Variants in SH3RF3 observed in about 807,000 individuals in gnomAD.
SH3RF3 encodes the protein SH3 domain containing ring finger 3.
In SH3RF3, 29 loss-of-function variants were observed where a neutral mutation model predicts 66.3. The observed-to-expected ratio is 0.44, with a 90% confidence interval of 0.33 to 0.60. SH3RF3 has a LOEUF of 0.60. Among genes scored for constraint, SH3RF3 ranks in the 20% least tolerant of loss-of-function variants. The probability of loss-of-function intolerance (pLI) is 0.04; values close to 1 mark genes in which losing one functional copy is unlikely to be tolerated. For missense variants in SH3RF3, 1,194 were observed against 1,190.9 expected (o/e 1.00, Z -0.04); for synonymous variants, 583 against 532.0 (o/e 1.10, Z -1.32).
intron 1 of SH3RF3, among the ~76,000 whole-genome samples, chr2:109,338,537 A>C (rs1399319129): frequency 6.6e-6 from 1 of 152,066 alleles, no homozygotes; most frequent in South Asian, 2.1e-4. Flanking sequence ...CCCCCGGCAC[A>C]GTCAAAAACC....
At chr2:109,424,400 T>C (rs1676975389) in intron 5 of SH3RF3, among the ~76,000 whole-genome samples, 1 of 152,212 alleles carries the variant, frequency 6.6e-6, no homozygotes, top group South Asian at 2.1e-4. Flanking sequence ...TGGTGGGGCT[T>C]CAGCCTCAGA....
At chr2:109,426,754 G>T (rs1677036715) in intron 5 of SH3RF3, among the ~76,000 whole-genome samples, 1 of 152,120 alleles carries the variant, frequency 6.6e-6, no homozygotes, top group Admixed American at 6.5e-5. Context: ...AGCATCAAAT[G>T]CTATAGAGAA....
chr2:109,498,122 G>A (rs1006632573), intron 9 of SH3RF3, among the ~76,000 whole-genome samples: 1 of 152,192 alleles, frequency 6.6e-6, no homozygotes, highest in Non-Finnish European at 1.5e-5. Context: ...CGCTGAGCTG[G>A]GAGGAAGGAG....
At chr2:109,375,449 G>A (rs1407281218) in intron 3 of SH3RF3, among the ~76,000 whole-genome samples, 2 of 152,208 alleles carry the variant, frequency 1.3e-5, no homozygotes, top group African/African-American at 4.8e-5. Context: ...GGCACAGAGA[G>A]GAGTGGGCCT....
At chr2:109,413,357 G>C (rs1190108794) in intron 4 of SH3RF3, among the ~76,000 whole-genome samples, 4 of 152,122 alleles carry the variant, frequency 2.6e-5, no homozygotes, top group African/African-American at 7.2e-5. Flanking sequence ...CAGGTGATCT[G>C]CTTGCCTTGG....
chr2:109,237,702 A>C (rs911923573), intron 1 of SH3RF3, among the ~76,000 whole-genome samples: 20 of 152,172 alleles, frequency 1.3e-4, no homozygotes, highest in Non-Finnish European at 2.8e-4. Flanking sequence ...AAGACAAAAG[A>C]TTGGACACTC....
chr2:109,392,063 G>T (rs1365870434), intron 3 of SH3RF3, among the ~76,000 whole-genome samples: 1 of 152,126 alleles, frequency 6.6e-6, no homozygotes, highest in Non-Finnish European at 1.5e-5. Flanking sequence ...CAGTCAGCCT[G>T]CCTCGGCCTC....
intron 1 of SH3RF3, among the ~76,000 whole-genome samples, chr2:109,197,503 G>C (rs1368791215): frequency 6.6e-6 from 1 of 151,346 alleles, no homozygotes; most frequent in Non-Finnish European, 1.5e-5. Flanking sequence ...ATTTGTGAAG[G>C]CTACTCAGGA....
intron 1 of SH3RF3, among the ~76,000 whole-genome samples, chr2:109,225,469 C>G (rs906621619): frequency 6.6e-6 from 1 of 152,198 alleles, no homozygotes; most frequent in African/African-American, 2.4e-5. Flanking sequence ...CAGGCCAGGC[C>G]GACTCCCCAC....
intron 3 of SH3RF3, among the ~76,000 whole-genome samples, chr2:109,385,143 C>T (rs555748686): frequency 1.1e-4 from 16 of 152,334 alleles, no homozygotes; most frequent in South Asian, 8.3e-4. Context: ...ATCAGACAGT[C>T]GAGCAGAAGC....
chr2:109,389,662 AGTTTT>A (rs1377470033), intron 3 of SH3RF3, among the ~76,000 whole-genome samples: 1 of 152,234 alleles, frequency 6.6e-6, no homozygotes, highest in Admixed American at 6.5e-5. Context: ...TTAACTTGTT[AGTTTT>A]AATTTCTATT....
intron 1 of SH3RF3, among the ~76,000 whole-genome samples, chr2:109,259,779 A>G (rs1402803844): frequency 6.6e-6 from 1 of 152,176 alleles, no homozygotes; most frequent in Non-Finnish European, 1.5e-5. Context: ...AGGGAGCTTT[A>G]TTCAGACAAG....
chr2:109,368,920 C>A (rs1683204114), intron 2 of SH3RF3, among the ~76,000 whole-genome samples: 1 of 149,798 alleles, frequency 6.7e-6, no homozygotes, highest in Non-Finnish European at 1.5e-5. Flanking sequence ...CTGAGCTGGG[C>A]CAATCATGCC....
intron 5 of SH3RF3, among the ~76,000 whole-genome samples, chr2:109,420,888 G>A (rs1175384893): frequency 1.3e-5 from 2 of 152,184 alleles, no homozygotes; most frequent in Non-Finnish European, 2.9e-5. Context: ...GTGGTGGGCA[G>A]GAAAGCTCCC....
Position 109,325,963 on chromosome 2 carries a change from C to T in SH3RF3, c.574-21711C>T, listed in dbSNP as rs528157190. Among the ~76,000 whole-genome samples, 10 of 152,286 alleles carry T rather than the reference C, an allele frequency of 6.6e-5. 1 individual carries two copies. In the South Asian group the frequency reaches 1.9e-3, roughly 28 times the overall value. ...TTTTAATGATATTTTCACTGTGAAC[C>T]GTAACGTATATGTCATGTTTAAAGA... On this transcript the variant is annotated intron_variant, in intron 1 of 9. Coordinates refer to ENST00000309415, the MANE Select transcript of SH3RF3 (RefSeq NM_001099289.3).
At chr2:109,219,155 A>G (rs1679171479) in intron 1 of SH3RF3, among the ~76,000 whole-genome samples, 1 of 152,190 alleles carries the variant, frequency 6.6e-6, no homozygotes, top group South Asian at 2.1e-4. Context: ...CCCCATTCAC[A>G]ATGAGGATAG....
chr2:109,443,419 A>G (rs1478414175), intron 7 of SH3RF3, among the ~76,000 whole-genome samples: 4 of 152,238 alleles, frequency 2.6e-5, no homozygotes, highest in African/African-American at 9.6e-5. Context: ...AGCTGGGAAT[A>G]TGAGTGTCAG....
intron 2 of SH3RF3, among the ~76,000 whole-genome samples, chr2:109,368,644 A>G (rs1169717564): frequency 2.7e-5 from 4 of 146,530 alleles, no homozygotes; most frequent in African/African-American, 7.6e-5. Flanking sequence ...TTATTTTTCT[A>G]TTTATTTGGC....
At chr2:109,343,369 T>C (rs1682601626) in intron 1 of SH3RF3, among the ~76,000 whole-genome samples, 1 of 152,222 alleles carries the variant, frequency 6.6e-6, no homozygotes, top group Non-Finnish European at 1.5e-5. Flanking sequence ...TTGACTCTTT[T>C]TTTTTTCTTT....
Sources: gnomAD v4.1 joint callset for allele counts (sites outside exome capture counted in the v4.1 genomes callset) on GRCh38, gnomAD v4.1.1 for gene constraint, MANE v1.5 for transcripts, NCBI Gene and HGNC (gene_info 2026-07-23, HGNC 2026-07-21) for gene names.